Variants in TNPO1 observed in about 807,000 individuals in gnomAD.
The protein encoded by TNPO1 is transportin-1.
TNPO1 carries 8 observed loss-of-function variants against 119.5 expected under a neutral mutation model. That is an observed-to-expected ratio of 0.07 (90% CI 0.04 to 0.12). The LOEUF (loss-of-function observed/expected upper bound fraction) is 0.12. Ranked by LOEUF, TNPO1 falls within the 10% of genes least tolerant of loss-of-function variation. The pLI is 1.00. For missense variants in TNPO1, 576 were observed against 1,089.8 expected (o/e 0.53, Z 6.64); for synonymous variants, 362 against 363.0 (o/e 1.00, Z 0.03).
chr5:72,820,072 G>A (rs1743885974), intron 1 of TNPO1, among the ~76,000 whole-genome samples: 1 of 151,982 alleles, frequency 6.6e-6, no homozygotes, highest in South Asian at 2.1e-4. Flanking sequence ...GAGTTTATTG[G>A]ATTTTTTTCA....
At position 72,905,463 on chromosome 5, in the gene TNPO1, T is replaced by C. The variant is rs1425773823; in HGVS notation, c.*35+18T>C. 6.6e-6 allele frequency: 9 copies of C among 1,353,558 alleles called. No homozygotes were observed. Among genetic ancestry groups the C allele is most frequent in the Non-Finnish European group, 9.2e-6 (9 of 975,350 alleles). The allele number at this position is 1,353,558 out of a possible 1,614,324, so 83.8% of individuals were successfully genotyped here. On this transcript the variant is annotated intron_variant, in intron 24 of 24. Transcript: ENST00000337273. ...AATTAGGGGTAAGTTATAAGAAGTT[T>C]GGAAATTTTCAGGATGAAGAAAATT...
chr5:72,817,928 G>A (rs541171429), intron 1 of TNPO1, among the ~76,000 whole-genome samples: 1 of 152,140 alleles, frequency 6.6e-6, no homozygotes, highest in East Asian at 1.9e-4. Flanking sequence ...TTTGGGAAAG[G>A]ATCTGTTTTC....
chr5:72,889,842 A>G lies in TNPO1; in HGVS notation c.1586A>G (p.Tyr529Cys), dbSNP rs1215557555. The G allele has an allele frequency of 6.2e-7, 1 of 1,612,464 alleles. No individual in the cohort carries two copies. The highest frequency in any genetic ancestry group is 1.3e-5 in the African/African-American group (1 of 74,426). The stretch of plus-strand genomic sequence containing the variant: ...ACAGAACTTGTTCCTTACCTTGCTT[A>G]TATACTTGATACCCTGGTCTTTGCA... ...ACTELVPYLA[Y>C]ILDTLVFAFS... Residue 529 changes from tyrosine (Y) to cysteine (C), a missense_variant, in exon 14 of 25, where the codon TAT becomes TGT. Tyr to Cys is a radical substitution (Grantham distance 194). Around this residue, in one of 6 missense-constraint regions of TNPO1, gnomAD observed 310 missense variants for 583.0 expected, o/e 0.53. Coordinates refer to ENST00000337273, the MANE Select transcript of TNPO1 (RefSeq NM_002270.4).
chr5:72,880,196 A>G (rs75542084), intron 9 of TNPO1, among the ~76,000 whole-genome samples: 109 of 151,712 alleles, frequency 7.2e-4, no homozygotes, highest in Non-Finnish European at 1.4e-3. Flanking sequence ...CCTTTCTCAG[A>G]AAAAAAAAGC....
intron 11 of TNPO1, 126 bp from the exon 12 acceptor site, chr5:72,886,944 C>CT: frequency 1.3e-6 from 1 of 751,418 alleles, no homozygotes; most frequent in South Asian, 3.7e-5. Context: ...AAACTACCTC[C>CT]TATTCAATTG....
At chr5:72,868,556 T>C (rs1747131005) in intron 6 of TNPO1, among the ~76,000 whole-genome samples, 1 of 152,082 alleles carries the variant, frequency 6.6e-6, no homozygotes. Context: ...GTCACATTTA[T>C]TTTATAGTCC....
At chr5:72,838,066 C>G (rs1428728643) in intron 1 of TNPO1, among the ~76,000 whole-genome samples, 1 of 152,154 alleles carries the variant, frequency 6.6e-6, no homozygotes, top group African/African-American at 2.4e-5. Flanking sequence ...TAGGTAAAAC[C>G]TAATGCTAAT....
chr5:72,825,463 G>A (rs766561159), intron 1 of TNPO1, among the ~76,000 whole-genome samples: 7 of 152,092 alleles, frequency 4.6e-5, no homozygotes, highest in Admixed American at 1.3e-4. Context: ...TGAGGTGGGC[G>A]GATCATGAGG....
chr5:72,902,912 A>G (rs1045495801), intron 22 of TNPO1, among the ~76,000 whole-genome samples: 2 of 152,176 alleles, frequency 1.3e-5, no homozygotes, highest in African/African-American at 2.4e-5. Context: ...TTAAATAAAC[A>G]TACACACACT....
chr5:72,855,405 C>T (rs1180998402), intron 3 of TNPO1, among the ~76,000 whole-genome samples: 1 of 152,138 alleles, frequency 6.6e-6, no homozygotes, highest in Non-Finnish European at 1.5e-5. Flanking sequence ...GAAATTAACT[C>T]TTAAATCAGT....
chr5:72,890,205 G>T (rs1748943949), intron 14 of TNPO1, among the ~76,000 whole-genome samples: 1 of 152,196 alleles, frequency 6.6e-6, no homozygotes, highest in Non-Finnish European at 1.5e-5. Context: ...TTTTTAGAAT[G>T]ACTAAAGCAA....
intron 18 of TNPO1, among the ~76,000 whole-genome samples, chr5:72,894,331 T>C (rs1458188060): frequency 6.6e-6 from 1 of 152,112 alleles, no homozygotes; most frequent in Non-Finnish European, 1.5e-5. Flanking sequence ...AAATGAGTTA[T>C]GGGATTTTTT....
intron 5 of TNPO1, chr5:72,862,322 T>TTTTTTGTTTTTGTTTTTGTTTTTG (rs371995928): frequency 6.3e-6 from 1 of 159,554 alleles, no homozygotes; most frequent in African/African-American, 2.4e-5. Context: ...TGAACTTGTG[T>TTTTTTGTTTTTGTTTTTGTTTTTG]TTTTTGTTTT....
chr5:72,872,225 TAAG>T (rs1747454626), intron 6 of TNPO1, among the ~76,000 whole-genome samples: 1 of 152,270 alleles, frequency 6.6e-6, no homozygotes, highest in South Asian at 2.1e-4. Flanking sequence ...TTGGTGTCAA[TAAG>T]AACTGCTGAG....
At chr5:72,880,147 T>C (rs529686465) in intron 9 of TNPO1, among the ~76,000 whole-genome samples, 1 of 152,160 alleles carries the variant, frequency 6.6e-6, no homozygotes, top group Admixed American at 6.5e-5. Context: ...TGAGCCGAAA[T>C]GGCACCACTG....
Position 72,913,769 on chromosome 5 carries a change from C to T in TNPO1, c.*5096C>T, listed in dbSNP as rs1750710068. On this transcript the variant is annotated 3_prime_UTR_variant, in exon 25 of 25. Transcript: ENST00000337273. ...TCATAAAGGGGTTCCACTGTACTTT[C>T]CGCATATTACTGTGTTGTTGTTTTC... The T allele has an allele frequency of 6.6e-6, 1 of 152,508 alleles. No homozygotes were observed. Among genetic ancestry groups the T allele is most frequent in the African/African-American group, 2.4e-5 (1 of 41,426 alleles). 9.4% of individuals were successfully genotyped at this position (152,508 alleles called of 1,614,324 possible). A position where few individuals can be genotyped will look rare whatever the true frequency, so the allele number is the denominator to read the frequency against.
At chr5:72,887,713 G>A (rs1748750941) in intron 12 of TNPO1, among the ~76,000 whole-genome samples, 4 of 151,912 alleles carry the variant, frequency 2.6e-5, no homozygotes, top group Admixed American at 2.0e-4. Flanking sequence ...AAAAATTAAG[G>A]GAACAGAATG....
At chr5:72,868,459 A>C (rs1364188854) in intron 6 of TNPO1, among the ~76,000 whole-genome samples, 2 of 109,402 alleles carry the variant, frequency 1.8e-5, no homozygotes, top group Non-Finnish European at 4.6e-5. Context: ...AAAAAAAAAA[A>C]CACAAAATAA....
intron 9 of TNPO1, among the ~76,000 whole-genome samples, chr5:72,880,830 A>C (rs1442005343): frequency 6.6e-6 from 1 of 151,728 alleles, no homozygotes; most frequent in African/African-American, 2.4e-5. Context: ...AAAAAAAAAA[A>C]AAAACCTCAT....
Sources: allele counts gnomAD v4.1 joint callset (sites outside exome capture counted in the v4.1 genomes callset), GRCh38; gene constraint gnomAD v4.1.1; regional missense constraint gnomAD v4.1.1; transcripts MANE v1.5; gene names NCBI Gene and HGNC (gene_info 2026-07-23, HGNC 2026-07-21).